The following INKA1 variants were observed in gnomAD, a reference collection of about 807,000 sequenced individuals.
INKA1 encodes inka box actin regulator 1.
Under a neutral mutation model 21.3 loss-of-function variants are expected in INKA1, and 14 were observed. The ratio of observed to expected loss-of-function variants is 0.66; its 90% CI spans 0.43 to 1.03. The LOEUF (loss-of-function observed/expected upper bound fraction) is 1.03. Among genes scored for constraint, INKA1 ranks in the 50% least tolerant of loss-of-function variants. The pLI is 0.00. For synonymous variants in INKA1, 133 were observed against 143.3 expected, an observed-to-expected ratio of 0.93 and a Z score of 0.51; for missense variants, 353 against 379.0, an observed-to-expected ratio of 0.93 and a Z score of 0.57.
Position 49,804,678 on chromosome 3 carries a change from C to T in INKA1, c.549C>T (p.Pro183=), listed in dbSNP as rs1303148862. The T allele has an allele frequency of 6.2e-7, 1 of 1,613,078 alleles. No individual in the cohort carries two copies. The highest frequency in any genetic ancestry group is 2.2e-5 in the East Asian group (1 of 44,904). ...TGAACAGGGGTCGCAGTCGCCAGCC[C>T]CTGGTACTAGGGGACAATTGCTTTG... ...ALLNRGRSRQ[P]LVLGDNCFAD... is the part of the protein sequence containing the mutation. The change falls in exon 2 of 2, where the codon CCC becomes CCT. Residue 183 remains proline, a synonymous_variant. Coordinates refer to ENST00000333323, the MANE Select transcript of INKA1 (RefSeq NM_203370.2). The surrounding 1 kb of genome is among the most constrained non-coding windows in gnomAD (Gnocchi z 6.7).
chr3:49,803,293 G>A lies in INKA1; in HGVS notation c.-100G>A. On this transcript the variant is annotated 5_prime_UTR_variant, in exon 1 of 2. Transcript: ENST00000333323. The surrounding 1 kb of genome is among the most constrained non-coding windows in gnomAD (Gnocchi z 4.8). ...GCGAGGAGTCGCGCAGGCAGGCGGA[G>A]GCTGAGGGCGCCGCTGGCCGGCCCT... The A allele has an allele frequency of 8.3e-7, 1 of 1,211,314 alleles. No individual in the cohort carries two copies. Among genetic ancestry groups the A allele is most frequent in the Non-Finnish European group, 1.1e-6 (1 of 912,162 alleles). 75.0% of individuals were successfully genotyped at this position (1,211,314 alleles called of 1,614,324 possible).
At position 49,805,010 on chromosome 3, in the gene INKA1, A is replaced by G; in HGVS notation, c.*23A>G. Reference sequence around the variant, plus strand: ...TGACCCTGCCCTCCAGCCTGGGACAATAAAAGCCTTTTTTCTAGACTGTCC... The same window carrying G: ...TGACCCTGCCCTCCAGCCTGGGACAGTAAAAGCCTTTTTTCTAGACTGTCC... On this transcript the variant is annotated 3_prime_UTR_variant, in exon 2 of 2. Coordinates refer to ENST00000333323, the MANE Select transcript of INKA1 (RefSeq NM_203370.2). The G allele has an allele frequency of 6.3e-7, 1 of 1,592,292 alleles. No individual in the cohort carries two copies. Among genetic ancestry groups the G allele is most frequent in the Non-Finnish European group, 8.6e-7 (1 of 1,166,488 alleles).
chr3:49,804,743 G>A lies in INKA1; in HGVS notation c.614G>A (p.Gly205Glu). The change falls in exon 2 of 2, where the codon GGG (glycine) becomes GAG (glutamate). Residue 205 changes from glycine to glutamate, a missense_variant. By Grantham distance (98) the Gly-to-Glu change is moderately conservative. Transcript: ENST00000333323. The surrounding 1 kb of genome is among the most constrained non-coding windows in gnomAD (Gnocchi z 6.7). ...AACTGGATGGAGCTGCCTGAGACAG[G>A]GAGTGAAGGGGGTGACGGAGGTGGG... ...VHNWMELPET[G>E]SEGGDGGGHR... The A allele has an allele frequency of 6.2e-7, 1 of 1,613,318 alleles. No homozygotes were observed. The highest frequency in any genetic ancestry group is 8.5e-7 in the Non-Finnish European group (1 of 1,180,032).
In INKA1 at chr3:49,804,259, C is replaced by A; in HGVS notation, c.130C>A (p.Pro44Thr). 1 of 1,612,920 alleles carries A rather than the reference C, an allele frequency of 6.2e-7. No homozygotes were observed. The highest frequency in any genetic ancestry group is 8.5e-7 in the Non-Finnish European group (1 of 1,179,482). Residue 44 changes from proline (P) to threonine (T), a missense_variant, in exon 2 of 2, where the codon CCC becomes ACC. Transcript: ENST00000333323. The surrounding 1 kb of genome is among the most constrained non-coding windows in gnomAD (Gnocchi z 6.7). The part of the protein sequence containing the change: ...PTSQTGPDVQ[P>T]SHQLRASGAL... ...CTCCCAAACTGGCCCAGATGTGCAG[C>A]CCAGCCACCAGCTTAGGGCCTCGGG...
rs765680786 is a variant in INKA1 at position 49,804,139 on chromosome 3, A to G, written c.52-42A>G. On this transcript the variant is annotated intron_variant, in intron 1 of 1. Coordinates refer to ENST00000333323, the MANE Select transcript of INKA1 (RefSeq NM_203370.2). This position sits in a 1 kb window ranked among gnomAD's most constrained non-coding sequence, Gnocchi z 6.7. The stretch of plus-strand genomic sequence containing the variant: ...CTCTGTTCTCTGGGCTGGCCTGGTG[A>G]CAAGTGATACCTCTCCGACTTCTGC... 2.4e-5 allele frequency: 36 copies of G among 1,517,736 alleles called. No homozygotes were observed. Among genetic ancestry groups the G allele is most frequent in the Middle Eastern group, 4.9e-4 (2 of 4,088 alleles). 94.0% of individuals were successfully genotyped at this position (1,517,736 alleles called of 1,614,324 possible).
At position 49,804,619 on chromosome 3, in the gene INKA1, G is replaced by C. The variant is rs2081415306; in HGVS notation, c.490G>C (p.Gly164Arg). 1 of 1,613,152 alleles carries C rather than the reference G, an allele frequency of 6.2e-7. No individual in the cohort carries two copies. The highest frequency in any genetic ancestry group is 8.5e-7 in the Non-Finnish European group (1 of 1,180,004). ...AGACGCCTGCCTGGAGCACTGGCAG[G>C]GACTGGAAGCAGAGGACTGGACAGC... ...TPDACLEHWQGLEAEDWTAAL... is the reference protein window; with the variant it reads ...TPDACLEHWQRLEAEDWTAAL... Residue 164 changes from glycine to arginine, a missense_variant, in exon 2 of 2, where the codon GGA (glycine) becomes CGA (arginine). By Grantham distance (125) the Gly-to-Arg change is moderately radical. Coordinates refer to ENST00000333323, the MANE Select transcript of INKA1 (RefSeq NM_203370.2). The surrounding 1 kb of genome is among the most constrained non-coding windows in gnomAD (Gnocchi z 6.7).
At position 49,804,784 on chromosome 3, in the gene INKA1, C is replaced by T. The variant is rs377191115; in HGVS notation, c.655C>T (p.Arg219Trp). ...GDGGGHRARA[R>W]PPQFLLGLSE... ...CGGAGGTGGGCACCGTGCCCGTGCT[C>T]GGCCCCCTCAGTTCCTGCTTGGCCT... Residue 219 changes from arginine to tryptophan, a missense_variant, in exon 2 of 2, where the codon CGG becomes TGG. By Grantham distance (101) the Arg-to-Trp change is moderately radical. Coordinates refer to ENST00000333323, the MANE Select transcript of INKA1 (RefSeq NM_203370.2). This position sits in a 1 kb window ranked among gnomAD's most constrained non-coding sequence, Gnocchi z 6.7. 62 of 1,613,194 alleles carry T rather than the reference C, an allele frequency of 3.8e-5. No individual in the cohort carries two copies. The highest frequency in any genetic ancestry group is 4.9e-5 in the Non-Finnish European group (58 of 1,180,042).
Position 49,803,434 on chromosome 3 carries a change from C to T in INKA1, c.42C>T (p.Arg14=). The T allele has an allele frequency of 6.4e-7, 1 of 1,558,152 alleles. No individual in the cohort carries two copies. Among genetic ancestry groups the T allele is most frequent in the African/African-American group, 1.4e-5 (1 of 72,362 alleles). The change falls in exon 1 of 2, where the codon CGC becomes CGT. Residue 14 remains arginine (R), a synonymous_variant. Transcript: ENST00000333323. This position sits in a 1 kb window ranked among gnomAD's most constrained non-coding sequence, Gnocchi z 4.8. ...ARLDSFLSQL[R]WELLCGRDTG... ...TTGACAGCTTCCTTAGCCAGCTCCG[C>T]TGGGAACTGGTGAGGCTCGGGAGCG...
chr3:49,804,544 C>T lies in INKA1; in HGVS notation c.415C>T (p.Pro139Ser), dbSNP rs373270781. Residue 139 changes from proline to serine, a missense_variant, in exon 2 of 2, where the codon CCT becomes TCT. Transcript: ENST00000333323. The surrounding 1 kb of genome is among the most constrained non-coding windows in gnomAD (Gnocchi z 6.7). Reference protein sequence around the residue: ...VSGLPMPSRAPVASVPPVHHP... With the variant: ...VSGLPMPSRASVASVPPVHHP... ...TGGCCTCCCCATGCCCAGCAGGGCCCCTGTAGCCAGTGTACCACCTGTCCA... is the reference window on the plus strand; with the variant it reads ...TGGCCTCCCCATGCCCAGCAGGGCCTCTGTAGCCAGTGTACCACCTGTCCA... 2.5e-6 allele frequency: 4 copies of T among 1,613,300 alleles called. No individual in the cohort carries two copies. Among genetic ancestry groups the T allele is most frequent in the Non-Finnish European group, 3.4e-6 (4 of 1,180,022 alleles).
rs1303705765 is a variant in INKA1, at chr3:49,803,300, G to A, written c.-93G>A. On this transcript the variant is annotated 5_prime_UTR_variant, in exon 1 of 2. Coordinates refer to ENST00000333323, the MANE Select transcript of INKA1 (RefSeq NM_203370.2). The surrounding 1 kb of genome is among the most constrained non-coding windows in gnomAD (Gnocchi z 4.8). Reference sequence around the variant, plus strand: ...GTCGCGCAGGCAGGCGGAGGCTGAGGGCGCCGCTGGCCGGCCCTCCCAGCC... The same window carrying A: ...GTCGCGCAGGCAGGCGGAGGCTGAGAGCGCCGCTGGCCGGCCCTCCCAGCC... The A allele has an allele frequency of 3.1e-6, 4 of 1,275,478 alleles. No individual in the cohort carries two copies. Among genetic ancestry groups the A allele is most frequent in the South Asian group, 1.7e-5 (1 of 57,618 alleles). The allele number at this position is 1,275,478 out of a possible 1,614,324, so 79.0% of individuals were successfully genotyped here.
Position 49,803,475 on chromosome 3 carries a change from G to A in INKA1, c.51+32G>A, listed in dbSNP as rs769654497. ...CTCGGGAGCGGGTGTGGTTAGTGAG[G>A]ACGCGTGCGGGATGCCAGGCTGCCG... On this transcript the variant is annotated intron_variant, in intron 1 of 1. Coordinates refer to ENST00000333323, the MANE Select transcript of INKA1 (RefSeq NM_203370.2). The surrounding 1 kb of genome is among the most constrained non-coding windows in gnomAD (Gnocchi z 4.8). 42 of 1,540,934 alleles carry A rather than the reference G, an allele frequency of 2.7e-5. No homozygotes were observed. Among genetic ancestry groups the A allele is most frequent in the Admixed American group, 6.1e-5 (3 of 49,232 alleles).
rs2081420540 is a variant in INKA1, at chr3:49,804,901, C to T, written c.772C>T (p.Leu258=). The T allele has an allele frequency of 6.2e-7, 1 of 1,613,060 alleles. No homozygotes were observed. Among genetic ancestry groups the T allele is most frequent in the Non-Finnish European group, 8.5e-7 (1 of 1,180,018 alleles). ...LSCPPRPEPE[L]PADVSRFAAL... Reference sequence around the variant, plus strand: ...ATGCCCACCTCGCCCAGAACCTGAACTGCCTGCGGATGTCTCACGCTTTGC... The same window carrying T: ...ATGCCCACCTCGCCCAGAACCTGAATTGCCTGCGGATGTCTCACGCTTTGC... Residue 258 remains leucine (L), a synonymous_variant, in exon 2 of 2, where the codon CTG becomes TTG. Transcript: ENST00000333323. This position sits in a 1 kb window ranked among gnomAD's most constrained non-coding sequence, Gnocchi z 6.7.
Position 49,803,525 on chromosome 3 carries a change from C to A in INKA1, c.51+82C>A. On this transcript the variant is annotated intron_variant, in intron 1 of 1. Coordinates refer to ENST00000333323, the MANE Select transcript of INKA1 (RefSeq NM_203370.2). The surrounding 1 kb of genome is among the most constrained non-coding windows in gnomAD (Gnocchi z 4.8). ...GCCCGGCCGGAACAACAGACGGGTG[C>A]GGGGTGGCTCCAGCGTGCCGGTCCG... 7.2e-7 allele frequency: 1 copy of A among 1,395,268 alleles called. No individual in the cohort carries two copies. The highest frequency in any genetic ancestry group is 2.3e-5 in the Admixed American group (1 of 43,370). The allele number at this position is 1,395,268 out of a possible 1,614,324, so 86.4% of individuals were successfully genotyped here.
In INKA1 at chr3:49,804,992, G is replaced by GCCCT; in HGVS notation, c.*8_*11dup. Reference sequence around the variant, plus strand: ...AATGATGTCAGCTACCTCTGACCCTGCCCTCCAGCCTGGGACAATAAAAGC... The same window carrying GCCCT: ...AATGATGTCAGCTACCTCTGACCCTGCCCTCCCTCCAGCCTGGGACAATAAAAGC... On this transcript the variant is annotated 3_prime_UTR_variant, in exon 2 of 2. Transcript: ENST00000333323. This position sits in a 1 kb window ranked among gnomAD's most constrained non-coding sequence, Gnocchi z 6.7. 1 of 1,603,088 alleles carries GCCCT rather than the reference G, an allele frequency of 6.2e-7. No homozygotes were observed. The highest frequency in any genetic ancestry group is 2.2e-5 in the East Asian group (1 of 44,614).
chr3:49,804,908 CG>C lies in INKA1; in HGVS notation c.781del (p.Asp261MetfsTer9). On this transcript the variant is annotated frameshift_variant, in exon 2 of 2. Transcript: ENST00000333323. LOFTEE classifies it high-confidence loss of function. This position sits in a 1 kb window ranked among gnomAD's most constrained non-coding sequence, Gnocchi z 6.7. ...CCTCGCCCAGAACCTGAACTGCCTG[CG>C]GATGTCTCACGCTTTGCAGCTCTCA... Reference protein sequence around the residue: ...CPPRPEPELPADVSRFAALMS... With the variant: ...CPPRPEPELPXDVSRFAALMS... 6.2e-7 allele frequency: 1 copy of C among 1,613,062 alleles called. No individual in the cohort carries two copies. Among genetic ancestry groups the C allele is most frequent in the Non-Finnish European group, 8.5e-7 (1 of 1,180,008 alleles).
At position 49,803,891 on chromosome 3, in the gene INKA1, A is replaced by C. The variant is rs2081403173; in HGVS notation, c.52-290A>C. On this transcript the variant is annotated intron_variant, in intron 1 of 1. Transcript: ENST00000333323. This position sits in a 1 kb window ranked among gnomAD's most constrained non-coding sequence, Gnocchi z 4.8. The stretch of plus-strand genomic sequence containing the variant: ...ACGGGATGCCCCTCCAGTCCTGGGC[A>C]GGACCTACTTCCCCGTTCAGGCCCG... Among the ~76,000 whole-genome samples, 1 of 152,192 alleles carries C rather than the reference A, an allele frequency of 6.6e-6. No individual in the cohort carries two copies. The highest frequency in any genetic ancestry group is 2.4e-5 in the African/African-American group (1 of 41,458).
rs1469207616 is a variant in INKA1 at position 49,803,379 on chromosome 3, G to C, written c.-14G>C. On this transcript the variant is annotated 5_prime_UTR_variant, in exon 1 of 2. Transcript: ENST00000333323. This position sits in a 1 kb window ranked among gnomAD's most constrained non-coding sequence, Gnocchi z 4.8. The stretch of plus-strand genomic sequence containing the variant: ...AGAGGAGCTAGTAGGTTCGGTGGGG[G>C]CCCTGGCATGGACATGCACAGCGCT... 6.6e-7 allele frequency: 1 copy of C among 1,521,844 alleles called. No homozygotes were observed. Among genetic ancestry groups the C allele is most frequent in the Non-Finnish European group, 8.8e-7 (1 of 1,138,102 alleles). The allele number at this position is 1,521,844 out of a possible 1,614,324, so 94.3% of individuals were successfully genotyped here. A position where few individuals can be genotyped will look rare whatever the true frequency, so the allele number is the denominator to read the frequency against.
chr3:49,804,381 C>T lies in INKA1; in HGVS notation c.252C>T (p.Gly84=), dbSNP rs759869380. ...AAGACAGGGATGCAGCCTTGGGAGG[C>T]CCCAGGGAGCATGCCCTGGACTGGG... is the stretch of plus-strand genomic sequence containing the variant. ...VTEDRDAALG[G]PREHALDWDS... is the part of the protein sequence containing the mutation. The change falls in exon 2 of 2, where the codon GGC becomes GGT. Residue 84 remains glycine, a synonymous_variant. Transcript: ENST00000333323. This position sits in a 1 kb window ranked among gnomAD's most constrained non-coding sequence, Gnocchi z 6.7. 1 of 1,613,128 alleles carries T rather than the reference C, an allele frequency of 6.2e-7. No homozygotes were observed. The highest frequency in any genetic ancestry group is 8.5e-7 in the Non-Finnish European group (1 of 1,179,902).
rs763643342 is a variant in INKA1 at position 49,804,848 on chromosome 3, G to A, written c.719G>A (p.Arg240Gln). 1.1e-5 allele frequency: 18 copies of A among 1,612,774 alleles called. No homozygotes were observed. Among genetic ancestry groups the A allele is most frequent in the Admixed American group, 5.0e-5 (3 of 60,008 alleles). Residue 240 changes from arginine to glutamine, a missense_variant, in exon 2 of 2, where the codon CGG becomes CAG. Physicochemically the swap from Arg to Gln is conservative, Grantham distance 43 (BLOSUM62 1). Transcript: ENST00000333323. The surrounding 1 kb of genome is among the most constrained non-coding windows in gnomAD (Gnocchi z 6.7). ...CGGCGCCGGCTGGCCAGGGCTCGGCGGACAGCTATGGCAGGAAAGCGGCTG... is the reference window on the plus strand; with the variant it reads ...CGGCGCCGGCTGGCCAGGGCTCGGCAGACAGCTATGGCAGGAAAGCGGCTG... ...QLRRRLARAR[R>Q]TAMAGKRLSC...
Sources: gnomAD v4.1 joint callset for allele counts (sites outside exome capture counted in the v4.1 genomes callset) on GRCh38, gnomAD v4.1.1 for gene constraint, Gnocchi (gnomAD v3.1) non-coding constraint, MANE v1.5 for transcripts, NCBI Gene and HGNC (gene_info 2026-07-23, HGNC 2026-07-21) for gene names.